HYCC1: variants seen among roughly 807,000 people sequenced by gnomAD.
HYCC1 encodes hyccin.
chr7:22,950,188 C>G, the HYCC1 span, among the ~76,000 whole-genome samples: 2 of 151,962 alleles, frequency 1.3e-5, no homozygotes, highest in African/African-American at 4.8e-5. Context: ...TACTTCACAT[C>G]TTTTTCAAAA....
At chr7:22,979,094 G>C in the HYCC1 span, among the ~76,000 whole-genome samples, 3 of 152,202 alleles carry the variant, frequency 2.0e-5, no homozygotes, top group Admixed American at 2.0e-4. Flanking sequence ...CAAATTATCA[G>C]GCTATTTATT....
chr7:22,942,905 T>C, the HYCC1 span: 1 of 152,314 alleles, frequency 6.6e-6, no homozygotes, highest in East Asian at 1.9e-4. Context: ...TCAAAGGAAC[T>C]ATAAAAGAAT....
the HYCC1 span, among the ~76,000 whole-genome samples, chr7:22,951,390 G>A: frequency 6.6e-6 from 1 of 151,748 alleles, no homozygotes; most frequent in African/African-American, 2.4e-5. Context: ...CTGACATGGG[G>A]TGCTTACAAA....
the HYCC1 span, among the ~76,000 whole-genome samples, chr7:23,004,100 G>A: frequency 4.2e-4 from 64 of 152,266 alleles, no homozygotes; most frequent in African/African-American, 1.5e-3. Flanking sequence ...TTAAGATAAA[G>A]TTTTCAATAA....
the HYCC1 span, among the ~76,000 whole-genome samples, chr7:22,977,592 T>TA: frequency 6.6e-6 from 1 of 152,198 alleles, no homozygotes; most frequent in Non-Finnish European, 1.5e-5. Context: ...CACCGGTAGT[T>TA]AAACTGTACA....
the HYCC1 span, chr7:22,943,810 C>G: frequency 6.6e-6 from 1 of 152,568 alleles, no homozygotes; most frequent in East Asian, 1.9e-4. Flanking sequence ...TCAAGTTTCA[C>G]TGCCCGATTG....
At chr7:22,989,131 C>T in the HYCC1 span, among the ~76,000 whole-genome samples, 460 of 152,138 alleles carry the variant, frequency 3.0e-3, 2 homozygotes, top group African/African-American at 9.9e-3. Flanking sequence ...GGATAGCTGT[C>T]GACATTTGCT....
chr7:22,942,572 T>G, the HYCC1 span: 2 of 152,148 alleles, frequency 1.3e-5, no homozygotes, highest in African/African-American at 4.8e-5. Flanking sequence ...AGAGGTTGGG[T>G]GATTTCAAGA....
At chr7:22,902,859 A>T in the HYCC1 span, among the ~76,000 whole-genome samples, 3 of 152,172 alleles carry the variant, frequency 2.0e-5, no homozygotes, top group Non-Finnish European at 4.4e-5. Context: ...AGATAAACAT[A>T]GTTTCTTAGA....
chr7:22,958,114 C>T, the HYCC1 span, among the ~76,000 whole-genome samples: 2 of 151,920 alleles, frequency 1.3e-5, no homozygotes, highest in Admixed American at 1.3e-4. Context: ...CACAGGAAGC[C>T]AGTGCCTGTT....
the HYCC1 span, chr7:22,946,986 T>A: frequency 1.3e-6 from 2 of 1,549,406 alleles, no homozygotes; most frequent in South Asian, 2.4e-5. Flanking sequence ...CTGCTAAAAC[T>A]GCACTCTGCC....
the HYCC1 span, among the ~76,000 whole-genome samples, chr7:22,982,608 G>T: frequency 6.6e-6 from 1 of 152,118 alleles, no homozygotes; most frequent in Non-Finnish European, 1.5e-5. Context: ...ATGTACTTCA[G>T]ATCCCTCTCT....
chr7:22,982,158 A>G, the HYCC1 span, among the ~76,000 whole-genome samples: 1 of 152,236 alleles, frequency 6.6e-6, no homozygotes, highest in Non-Finnish European at 1.5e-5. Flanking sequence ...GGTGAAATAT[A>G]TAATTCTAAA....
chr7:22,990,573 A>C, the HYCC1 span, among the ~76,000 whole-genome samples: 4 of 152,264 alleles, frequency 2.6e-5, no homozygotes, highest in African/African-American at 9.6e-5. Context: ...TCATGAGACA[A>C]GAAAATATGT....
the HYCC1 span, among the ~76,000 whole-genome samples, chr7:23,002,950 T>C: frequency 6.6e-6 from 1 of 152,164 alleles, no homozygotes; most frequent in Admixed American, 6.6e-5. Flanking sequence ...TCCCTATGTC[T>C]TCACATTGTC....
the HYCC1 span, among the ~76,000 whole-genome samples, chr7:22,999,174 A>G: frequency 6.6e-6 from 1 of 152,218 alleles, no homozygotes; most frequent in Non-Finnish European, 1.5e-5. Flanking sequence ...AGAAATCTTA[A>G]AAGTCCATTA....
chr7:22,907,730 T>C, the HYCC1 span, among the ~76,000 whole-genome samples: 2 of 151,954 alleles, frequency 1.3e-5, no homozygotes, highest in African/African-American at 4.8e-5. Context: ...GCCAACATGG[T>C]GAAACCCCGT....
the HYCC1 span, among the ~76,000 whole-genome samples, chr7:22,907,416 C>T: frequency 6.6e-6 from 1 of 152,160 alleles, no homozygotes; most frequent in South Asian, 2.1e-4. Flanking sequence ...TCCCTCAGCC[C>T]CTTCTGGTCC....
chr7:22,954,771 T>C, the HYCC1 span, among the ~76,000 whole-genome samples: 142 of 151,724 alleles, frequency 9.4e-4, no homozygotes, highest in African/African-American at 3.1e-3. Context: ...TCTTTTTTAC[T>C]ACTTAAAATT....
Sources: allele counts gnomAD v4.1 joint callset (sites outside exome capture counted in the v4.1 genomes callset), GRCh38; gene constraint gnomAD v4.1.1; transcripts MANE v1.5; gene names NCBI Gene and HGNC (gene_info 2026-07-23, HGNC 2026-07-21).